Variants in FAM13A observed in about 807,000 individuals in gnomAD.
The protein encoded by FAM13A is protein FAM13A.
In FAM13A, 76 loss-of-function variants were observed where a neutral mutation model predicts 129.6. The ratio of observed to expected loss-of-function variants is 0.59; its 90% confidence interval spans 0.49 to 0.71. The LOEUF (loss-of-function observed/expected upper bound fraction) is 0.71. FAM13A is among the 30% of genes least tolerant of loss of function. The pLI is 0.00. For synonymous variants in FAM13A, 443 were observed against 449.9 expected (o/e 0.98, Z 0.20); for missense variants, 1,108 against 1,249.3 (o/e 0.89, Z 1.70).
intron 3 of FAM13A, among the ~76,000 whole-genome samples, chr4:89,003,733 T>C (rs1764609058): frequency 6.6e-6 from 1 of 152,116 alleles, no homozygotes; most frequent in African/African-American, 2.4e-5. Flanking sequence ...TATTCACACA[T>C]TAATTATAAA....
intron 11 of FAM13A, among the ~76,000 whole-genome samples, chr4:88,773,038 G>C (rs1720995659): frequency 6.6e-6 from 1 of 152,144 alleles, no homozygotes; most frequent in Admixed American, 6.5e-5. Context: ...AGGAGGCAGT[G>C]GGGGAAAGCT....
intron 4 of FAM13A, among the ~76,000 whole-genome samples, chr4:88,979,102 G>A (rs1429168615): frequency 1.3e-5 from 2 of 152,134 alleles, no homozygotes; most frequent in East Asian, 1.9e-4. Flanking sequence ...GGGAAAATAT[G>A]CTTTTAAACA....
intron 3 of FAM13A, among the ~76,000 whole-genome samples, chr4:88,997,313 C>G (rs993689812): frequency 1.3e-5 from 2 of 152,134 alleles, no homozygotes; most frequent in Admixed American, 1.3e-4. Flanking sequence ...AATCTTAGGA[C>G]AAAAACTATC....
intron 7 of FAM13A, among the ~76,000 whole-genome samples, chr4:88,843,101 C>T (rs960227800): frequency 6.6e-6 from 1 of 152,162 alleles, no homozygotes; most frequent in Admixed American, 6.5e-5. Context: ...AAATGGTCTG[C>T]ATGCAAAGAT....
intron 14 of FAM13A, 43 bp downstream of exon 14, chr4:88,758,711 T>C: frequency 6.3e-7 from 1 of 1,576,016 alleles, no homozygotes; most frequent in Non-Finnish European, 8.7e-7. Context: ...TATTTATATA[T>C]GCTTTAATGA....
At chr4:88,807,908 G>C (rs1728902970) in intron 7 of FAM13A, among the ~76,000 whole-genome samples, 1 of 152,048 alleles carries the variant, frequency 6.6e-6, no homozygotes, top group East Asian at 1.9e-4. Context: ...TCTTAATTTG[G>C]CTATGCCCCT....
At chr4:88,792,453 C>T (rs557332839) in intron 8 of FAM13A, among the ~76,000 whole-genome samples, 1 of 152,226 alleles carries the variant, frequency 6.6e-6, no homozygotes, top group South Asian at 2.1e-4. Context: ...CTCTGCCTCA[C>T]AATGCCTGTT....
intron 1 of FAM13A, among the ~76,000 whole-genome samples, chr4:89,047,455 T>C (rs550002207): frequency 6.5e-4 from 99 of 152,110 alleles, no homozygotes; most frequent in South Asian, 2.1e-3. Context: ...GATGGTAGAG[T>C]GAAGAGGTCT....
chr4:88,893,826 CAAAAA>C (rs10700709), intron 6 of FAM13A, among the ~76,000 whole-genome samples: 1 of 118,066 alleles, frequency 8.5e-6, no homozygotes. Flanking sequence ...GACTCCGTCT[CAAAAA>C]AAAAAAAAAA....
At chr4:88,860,328 G>A (rs1233161094) in intron 6 of FAM13A, among the ~76,000 whole-genome samples, 1 of 152,186 alleles carries the variant, frequency 6.6e-6, no homozygotes, top group Non-Finnish European at 1.5e-5. Context: ...CTCAGGGAAG[G>A]ATGAGAATAC....
intron 3 of FAM13A, among the ~76,000 whole-genome samples, chr4:89,002,773 A>G (rs918682471): frequency 1.1e-4 from 17 of 152,192 alleles, no homozygotes; most frequent in African/African-American, 4.1e-4. Flanking sequence ...AAAGAAGAAA[A>G]CTTAAGTACA....
At chr4:88,883,566 G>C (rs1743938238) in intron 6 of FAM13A, among the ~76,000 whole-genome samples, 1 of 152,030 alleles carries the variant, frequency 6.6e-6, no homozygotes, top group Non-Finnish European at 1.5e-5. Context: ...AAGTCTGAAA[G>C]AGAACAAAGA....
chr4:88,786,563 T>C (rs1390903481), intron 10 of FAM13A, among the ~76,000 whole-genome samples: 1 of 152,198 alleles, frequency 6.6e-6, no homozygotes, highest in Non-Finnish European at 1.5e-5. Context: ...ACTTTTTCTA[T>C]TTTCTAAATG....
At chr4:88,913,339 AGAGGAAGAAGAG>A (rs560623330) in intron 5 of FAM13A, among the ~76,000 whole-genome samples, 46 of 142,362 alleles carry the variant, frequency 3.2e-4, no homozygotes, top group African/African-American at 1.0e-3. Context: ...AAGAAGAAGA[AGAGGAAGAAGAG>A]GAGGAAGAAG....
Position 88,945,777 on chromosome 4 carries a change from G to A in FAM13A, c.606-7536C>T, listed in dbSNP as rs189528487. Among the ~76,000 whole-genome samples the A allele has an allele frequency of 1.6e-3, 205 of 126,368 alleles. 2 individuals are homozygous for A. Among genetic ancestry groups the A allele is most frequent in the African/African-American group, 6.7e-3 (192 of 28,810 alleles). The allele number at this position is 126,368 out of a possible 152,430, so 82.9% of individuals were successfully genotyped here. ...CTATTAGTATATATATATATACTAT[G>A]TGGTTGTATATATATATATAAGTAT... On this transcript the variant is annotated intron_variant, in intron 4 of 23. Transcript: ENST00000264344.
chr4:88,871,934 A>C (rs1454968705), intron 6 of FAM13A, among the ~76,000 whole-genome samples: 1 of 152,236 alleles, frequency 6.6e-6, no homozygotes, highest in African/African-American at 2.4e-5. Flanking sequence ...CCATCAGACT[A>C]ACAGCGGATC....
rs1415857334 is a variant in FAM13A at position 88,725,983 on chromosome 4, C to CTTAAG, written c.*2545_*2549dup. 1.9e-5 allele frequency: 2 copies of CTTAAG among 103,740 alleles called. No individual in the cohort carries two copies. Among genetic ancestry groups the CTTAAG allele is most frequent in the Non-Finnish European group, 4.1e-5 (2 of 49,304 alleles). 6.4% of individuals were successfully genotyped at this position (103,740 alleles called of 1,614,324 possible). A position where few individuals can be genotyped will look rare whatever the true frequency, so the allele number is the denominator to read the frequency against. Reference sequence around the variant, plus strand: ...AATTATAAGTCTGCACTCTTTAATTCTTAAGTTTACTTACACTTATGAAAT... The same window carrying CTTAAG: ...AATTATAAGTCTGCACTCTTTAATTCTTAAGTTAAGTTTACTTACACTTATGAAAT... On this transcript the variant is annotated 3_prime_UTR_variant, in exon 24 of 24. Transcript: ENST00000264344.
chr4:88,967,527 T>C (rs565626509), intron 4 of FAM13A, among the ~76,000 whole-genome samples: 1 of 152,324 alleles, frequency 6.6e-6, no homozygotes, highest in East Asian at 1.9e-4. Flanking sequence ...AGTGGGTAGC[T>C]GCAAATATAT....
At chr4:88,736,498 G>A (rs945925626) in intron 21 of FAM13A, 2 of 152,152 alleles carry the variant, frequency 1.3e-5, no homozygotes, top group East Asian at 1.9e-4. Context: ...AATATGACAA[G>A]TGAAACTCTT....
Sources: allele counts gnomAD v4.1 joint callset (sites outside exome capture counted in the v4.1 genomes callset), GRCh38; gene constraint gnomAD v4.1.1; transcripts MANE v1.5; gene names NCBI Gene and HGNC (gene_info 2026-07-23, HGNC 2026-07-21).